Variants in KPNA6 observed in about 807,000 individuals in gnomAD.
KPNA6 encodes importin subunit alpha-7.
Under a neutral mutation model 72.0 loss-of-function variants are expected in KPNA6, and 9 were observed. The observed-to-expected ratio is 0.13, with a 90% CI of 0.08 to 0.22. The LOEUF is 0.22. KPNA6 is among the 10% of genes least tolerant of loss of function. The pLI is 1.00. For synonymous variants in KPNA6, 219 were observed against 242.1 expected (o/e 0.90, Z 0.89); for missense variants, 374 against 655.7 (o/e 0.57, Z 4.69).
intron 1 of KPNA6, among the ~76,000 whole-genome samples, chr1:32,108,444 A>G (rs1009504866): frequency 6.6e-6 from 1 of 152,218 alleles, no homozygotes; most frequent in Non-Finnish European, 1.5e-5. Flanking sequence ...TCCTGCGCCC[A>G]GACTGGGGCT....
rs114267774 is a variant in KPNA6, at chr1:32,149,358, C to T, written c.5-5230C>T. Among the ~76,000 whole-genome samples, 380 of 152,188 alleles carry T rather than the reference C, an allele frequency of 2.5e-3. 1 individual carries two copies. The highest frequency in any genetic ancestry group is 9.0e-3 in the African/African-American group (372 of 41,536). ...TTAGAATCTGTCTAGTAAGTCCAGT[C>T]TCTGGGCTTCCTGAGGGATGGTTTC... On this transcript the variant is annotated intron_variant, in intron 1 of 13. Transcript: ENST00000373625.
At chr1:32,113,406 A>G (rs1465190975) in intron 1 of KPNA6, among the ~76,000 whole-genome samples, 6 of 151,704 alleles carry the variant, frequency 4.0e-5, no homozygotes, top group Non-Finnish European at 5.9e-5. Flanking sequence ...AACCCCAAAA[A>G]TCCTTTGTTG....
chr1:32,112,006 C>G (rs1004411044), intron 1 of KPNA6, among the ~76,000 whole-genome samples: 2 of 152,108 alleles, frequency 1.3e-5, no homozygotes, highest in African/African-American at 2.4e-5. Context: ...AGGGGTGGGT[C>G]TTGATATAAA....
At chr1:32,169,681 C>T (rs147639421) in intron 12 of KPNA6, among the ~76,000 whole-genome samples, 2 of 149,678 alleles carry the variant, frequency 1.3e-5, no homozygotes, top group African/African-American at 4.9e-5. Flanking sequence ...AGGATGGTCG[C>T]GATCTCTTGA....
intron 6 of KPNA6, 149 bp downstream of exon 6, chr1:32,159,680 T>TG: frequency 1.3e-6 from 1 of 798,514 alleles, no homozygotes; most frequent in Non-Finnish European, 1.9e-6. Flanking sequence ...CCCTGGGACT[T>TG]GCAACTGGTA....
rs1198329411 is a variant in KPNA6, at chr1:32,171,020, G to A, written c.*126G>A. The A allele has an allele frequency of 4.9e-6, 4 of 821,330 alleles. No homozygotes were observed. The highest frequency in any genetic ancestry group is 7.8e-6 in the Non-Finnish European group (4 of 516,018). The allele number at this position is 821,330 out of a possible 1,614,324, so 50.9% of individuals were successfully genotyped here. ...ACACACCTCTGCTGCCCTGGAGACT[G>A]TGCTCTTGACCTGCTCCGCCCCCTT... On this transcript the variant is annotated 3_prime_UTR_variant, in exon 14 of 14. Transcript: ENST00000373625.
intron 1 of KPNA6, among the ~76,000 whole-genome samples, chr1:32,138,010 C>T (rs1641767885): frequency 6.6e-6 from 1 of 151,330 alleles, no homozygotes; most frequent in Non-Finnish European, 1.5e-5. Context: ...TGGTGGGCAA[C>T]TGTAATCCCA....
At chr1:32,152,321 C>G (rs980429137) in intron 1 of KPNA6, among the ~76,000 whole-genome samples, 6 of 151,954 alleles carry the variant, frequency 3.9e-5, no homozygotes, top group African/African-American at 1.2e-4. Flanking sequence ...GAGGGAGGCC[C>G]TATCTCAAAA....
Position 32,175,782 on chromosome 1 carries a change from C to CAAAAA in KPNA6, c.*4906_*4910dup, listed in dbSNP as rs35485312. On this transcript the variant is annotated 3_prime_UTR_variant, in exon 14 of 14. Coordinates refer to ENST00000373625, the MANE Select transcript of KPNA6 (RefSeq NM_012316.5). ...TGGGTGACAGTGCGAGACTCCATCT[C>CAAAAA]AAAAAAAAAAAAAAAAAAAAAATCC... 2.6e-4 allele frequency: 10 copies of CAAAAA among 38,912 alleles called. No homozygotes were observed. The highest frequency in any genetic ancestry group is 1.0e-4 in the Non-Finnish European group (2 of 19,204). The allele number at this position is 38,912 out of a possible 1,614,324, so 2.4% of individuals were successfully genotyped here.
chr1:32,167,296 G>A lies in KPNA6; in HGVS notation c.1244G>A (p.Arg415Lys). ...TCAGGAGGAACCCCTGAGCAGATCA[G>A]GTATTACATTCCTTTCCCGTTGTCT... The part of the protein sequence containing the change: ...ATSGGTPEQI[R>K]YLVSLGCIKP... The change falls in exon 12 of 14, where the codon AGG (arginine) becomes AAG (lysine). Residue 415 changes from arginine to lysine, a missense_variant and splice_region_variant. Around this residue, in one of 3 missense-constraint regions of KPNA6, gnomAD observed 34 missense variants for 110.5 expected, o/e 0.31. Coordinates refer to ENST00000373625, the MANE Select transcript of KPNA6 (RefSeq NM_012316.5). The A allele has an allele frequency of 6.2e-7, 1 of 1,613,950 alleles. No individual in the cohort carries two copies. The highest frequency in any genetic ancestry group is 2.2e-5 in the East Asian group (1 of 44,854).
chr1:32,161,190 T>C (rs1642231789), intron 7 of KPNA6, among the ~76,000 whole-genome samples: 2 of 151,602 alleles, frequency 1.3e-5, no homozygotes, highest in Admixed American at 6.6e-5. Context: ...CCAAAAAGGA[T>C]CTTGTTCCTC....
intron 12 of KPNA6, among the ~76,000 whole-genome samples, chr1:32,168,968 G>A (rs1021499827): frequency 6.6e-6 from 1 of 152,174 alleles, no homozygotes; most frequent in Non-Finnish European, 1.5e-5. Flanking sequence ...CAAGGAGGAG[G>A]AGTGTTTGGT....
chr1:32,158,145 G>C, intron 4 of KPNA6, 122 bp from the exon 5 acceptor site: 3 of 646,212 alleles, frequency 4.6e-6, no homozygotes, highest in Non-Finnish European at 5.5e-6. Flanking sequence ...CTTACCAGAA[G>C]GGAGTTTGGG....
chr1:32,160,413 A>G (rs1642217012), intron 6 of KPNA6, among the ~76,000 whole-genome samples: 1 of 152,146 alleles, frequency 6.6e-6, no homozygotes, highest in Admixed American at 6.6e-5. Flanking sequence ...TCCCTGCTGA[A>G]CCAGGAACTC....
chr1:32,161,991 T>C lies in KPNA6; in HGVS notation c.692T>C (p.Val231Ala). 1 of 1,614,092 alleles carries C rather than the reference T, an allele frequency of 6.2e-7. No homozygotes were observed. The highest frequency in any genetic ancestry group is 8.5e-7 in the Non-Finnish European group (1 of 1,180,020). ...CGACTGACGATGACACGGAATGCAG[T>C]CTGGGCCCTGTCAAATCTCTGCCGA... ...STRLTMTRNA[V>A]WALSNLCRGK... The change falls in exon 8 of 14, where the codon GTC becomes GCC. Residue 231 changes from valine (V) to alanine (A), a missense_variant. Val to Ala is a moderately conservative substitution (Grantham distance 64). Transcript: ENST00000373625.
At chr1:32,136,105 G>A (rs1641729886) in intron 1 of KPNA6, among the ~76,000 whole-genome samples, 1 of 151,938 alleles carries the variant, frequency 6.6e-6, no homozygotes, top group Non-Finnish European at 1.5e-5. Flanking sequence ...GTCTTACAGG[G>A]ACTAATATGT....
chr1:32,169,915 A>C lies in KPNA6; in HGVS notation c.1278A>C (p.Leu426=), dbSNP rs760954120. 1 of 1,614,028 alleles carries C rather than the reference A, an allele frequency of 6.2e-7. No individual in the cohort carries two copies. The change falls in exon 13 of 14, where the codon CTA becomes CTC. Residue 426 remains leucine (L), a synonymous_variant. Coordinates refer to ENST00000373625, the MANE Select transcript of KPNA6 (RefSeq NM_012316.5). ...TCTCACTGGGCTGCATCAAACCCCT[A>C]TGTGACTTGCTGACTGTAATGGATT... The part of the protein sequence containing the change: ...YLVSLGCIKP[L]CDLLTVMDSK...
chr1:32,172,301 T>A lies in KPNA6; in HGVS notation c.*1407T>A, dbSNP rs2124105243. On this transcript the variant is annotated 3_prime_UTR_variant, in exon 14 of 14. Transcript: ENST00000373625. ...AGCGTGGCCTGATTGTCCCAGGACCTGAAGGGAGCAAGGATGGCCTCAGGG... is the reference window on the plus strand; with the variant it reads ...AGCGTGGCCTGATTGTCCCAGGACCAGAAGGGAGCAAGGATGGCCTCAGGG... 1 of 152,250 alleles carries A rather than the reference T, an allele frequency of 6.6e-6. No individual in the cohort carries two copies. The highest frequency in any genetic ancestry group is 2.1e-4 in the South Asian group (1 of 4,812). The allele number at this position is 152,250 out of a possible 1,614,324, so 9.4% of individuals were successfully genotyped here.
At chr1:32,159,285 T>G (rs1570060885) in intron 5 of KPNA6, 115 bp from the exon 6 acceptor site, 1 of 1,079,586 alleles carries the variant, frequency 9.3e-7, no homozygotes, top group East Asian at 2.5e-5. Context: ...TTTTGTGAGG[T>G]TTTGTTTTGG....
Sources: allele counts gnomAD v4.1 joint callset (sites outside exome capture counted in the v4.1 genomes callset), GRCh38; gene constraint gnomAD v4.1.1; regional missense constraint gnomAD v4.1.1; transcripts MANE v1.5; gene names NCBI Gene and HGNC (gene_info 2026-07-23, HGNC 2026-07-21).